Variants in DNM3 observed in about 807,000 individuals in gnomAD.
DNM3 encodes dynamin-3.
Under a neutral mutation model 101.6 loss-of-function variants are expected in DNM3, and 47 were observed. That is an observed-to-expected ratio of 0.46 (90% confidence interval 0.37 to 0.59). The LOEUF (loss-of-function observed/expected upper bound fraction) is 0.59, where lower values mean the gene tolerates loss of function less well. DNM3 is among the 20% of genes least tolerant of loss of function. DNM3 has a pLI of 0.00. For missense variants in DNM3, 849 were observed against 1,085.7 expected (o/e 0.78, Z 3.06); for synonymous variants, 385 against 387.9 (o/e 0.99, Z 0.09).
At chr1:172,175,179 C>T (rs984360071) in intron 14 of DNM3, among the ~76,000 whole-genome samples, 2 of 151,714 alleles carry the variant, frequency 1.3e-5, no homozygotes, top group Non-Finnish European at 2.9e-5. Context: ...ATGAGTATGA[C>T]TGGATCAGCA....
chr1:172,091,360 G>C (rs1363176509), intron 12 of DNM3, among the ~76,000 whole-genome samples: 2 of 152,174 alleles, frequency 1.3e-5, no homozygotes, highest in African/African-American at 4.8e-5. Context: ...AGAAATGCCA[G>C]ACAGAAAAAT....
chr1:172,195,902 T>C (rs1403257041), intron 14 of DNM3, among the ~76,000 whole-genome samples: 2 of 151,758 alleles, frequency 1.3e-5, no homozygotes, highest in East Asian at 3.9e-4. Flanking sequence ...TAACTATCTG[T>C]TTTCATTTAA....
At chr1:172,122,857 C>T (rs911796340) in intron 13 of DNM3, among the ~76,000 whole-genome samples, 3 of 152,074 alleles carry the variant, frequency 2.0e-5, no homozygotes, top group Non-Finnish European at 2.9e-5. Flanking sequence ...ATGGATTTGT[C>T]AGTTAAATAG....
chr1:172,342,780 G>A (rs886410416), intron 17 of DNM3, among the ~76,000 whole-genome samples: 2 of 152,188 alleles, frequency 1.3e-5, no homozygotes, highest in African/African-American at 4.8e-5. Context: ...ATCTATGACA[G>A]TCTTGTTCTT....
At chr1:172,111,681 C>G (rs377334433) in intron 13 of DNM3, among the ~76,000 whole-genome samples, 3 of 152,040 alleles carry the variant, frequency 2.0e-5, no homozygotes, top group Non-Finnish European at 2.9e-5. Flanking sequence ...AACACAGTGG[C>G]GAGTAATTCA....
chr1:172,280,624 C>T (rs1019701659), intron 15 of DNM3, among the ~76,000 whole-genome samples: 1 of 152,166 alleles, frequency 6.6e-6, no homozygotes, highest in African/African-American at 2.4e-5. Context: ...AATTACATGG[C>T]ACTTTGTACT....
chr1:172,332,786 G>T (rs2066246197), intron 17 of DNM3, among the ~76,000 whole-genome samples: 1 of 152,110 alleles, frequency 6.6e-6, no homozygotes, highest in Non-Finnish European at 1.5e-5. Flanking sequence ...AAGCCACATG[G>T]TTACACCTAA....
rs1204222574 is a variant in DNM3, at chr1:172,334,741, AGT to A, written c.1893+11402_1893+11403del. Among the ~76,000 whole-genome samples, 1,411 of 152,288 alleles carry A rather than the reference AGT, an allele frequency of 9.3e-3. 26 individuals are homozygous for A. Among genetic ancestry groups the A allele is most frequent in the African/African-American group, 0.032 (1,332 of 41,576 alleles). On this transcript the variant is annotated intron_variant, in intron 17 of 20. Coordinates refer to ENST00000627582, the MANE Select transcript of DNM3 (RefSeq NM_015569.5). ...TTTGATTTGCTGGTTTGCCTTAGGA[AGT>A]ATGATAATAACCAAACAGATTTTCA...
At chr1:172,239,713 T>G (rs2061671276) in intron 14 of DNM3, among the ~76,000 whole-genome samples, 1 of 151,930 alleles carries the variant, frequency 6.6e-6, no homozygotes, top group Non-Finnish European at 1.5e-5. Flanking sequence ...TTCTCTCTAA[T>G]GATACCTTCT....
At chr1:172,069,956 CAG>C (rs1437886418) in intron 11 of DNM3, among the ~76,000 whole-genome samples, 3 of 152,046 alleles carry the variant, frequency 2.0e-5, no homozygotes, top group Admixed American at 6.5e-5. Context: ...ACACAGCACA[CAG>C]AGTGTGCGTG....
chr1:171,963,182 C>T (rs1047314812), intron 2 of DNM3, among the ~76,000 whole-genome samples: 23 of 151,988 alleles, frequency 1.5e-4, no homozygotes, highest in African/African-American at 5.3e-4. Context: ...ATGGTATACC[C>T]GGACAATGGA....
At chr1:172,152,792 C>T (rs2058186695) in intron 14 of DNM3, among the ~76,000 whole-genome samples, 1 of 152,108 alleles carries the variant, frequency 6.6e-6, no homozygotes, top group South Asian at 2.1e-4. Flanking sequence ...TGTGTATGTG[C>T]ATGCGGACAG....
intron 15 of DNM3, among the ~76,000 whole-genome samples, chr1:172,265,517 C>T (rs2062826807): frequency 1.3e-5 from 2 of 152,136 alleles, no homozygotes; most frequent in Non-Finnish European, 1.5e-5. Context: ...TCTGGGGAGA[C>T]TAACATTGTG....
At chr1:172,005,684 T>C (rs1036522908) in intron 4 of DNM3, among the ~76,000 whole-genome samples, 2 of 152,082 alleles carry the variant, frequency 1.3e-5, no homozygotes, top group Non-Finnish European at 1.5e-5. Flanking sequence ...ATTACAATTA[T>C]TAAAAGAAAA....
At chr1:171,959,846 G>A (rs757327510) in intron 2 of DNM3, among the ~76,000 whole-genome samples, 8 of 151,816 alleles carry the variant, frequency 5.3e-5, no homozygotes, top group Non-Finnish European at 7.4e-5. Flanking sequence ...TGACCTTAGC[G>A]AACTCTGTTT....
At chr1:172,118,050 A>G (rs1203261652) in intron 13 of DNM3, among the ~76,000 whole-genome samples, 3 of 152,182 alleles carry the variant, frequency 2.0e-5, no homozygotes, top group Non-Finnish European at 4.4e-5. Flanking sequence ...ACCCACAGCT[A>G]TGTGCTTAAT....
At chr1:172,359,530 G>T (rs1229058592) in intron 17 of DNM3, among the ~76,000 whole-genome samples, 1 of 151,582 alleles carries the variant, frequency 6.6e-6, no homozygotes, top group African/African-American at 2.4e-5. Context: ...TTTGGAGTAG[G>T]GAGTAATAAC....
rs116817155 is a variant in DNM3, at chr1:172,013,748, G to A, written c.590-18654G>A. Among the ~76,000 whole-genome samples the A allele has an allele frequency of 6.4e-3, 968 of 152,130 alleles. 17 individuals are homozygous for A. The highest frequency in any genetic ancestry group is 0.022 in the African/African-American group (914 of 41,508). Reference sequence around the variant, plus strand: ...GAGCTGATGGGAATGGGATTATAAAGGTGAGGGGGGCATGTGAAGAAGTAA... The same window carrying A: ...GAGCTGATGGGAATGGGATTATAAAAGTGAGGGGGGCATGTGAAGAAGTAA... On this transcript the variant is annotated intron_variant, in intron 4 of 20. Transcript: ENST00000627582.
At chr1:172,390,588 C>T (rs1418005535) in intron 20 of DNM3, among the ~76,000 whole-genome samples, 2 of 152,202 alleles carry the variant, frequency 1.3e-5, no homozygotes, top group East Asian at 1.9e-4. Flanking sequence ...CCCAATGTCC[C>T]TTAGGGGAGT....
Sources: allele counts gnomAD v4.1 joint callset (sites outside exome capture counted in the v4.1 genomes callset), GRCh38; gene constraint gnomAD v4.1.1; transcripts MANE v1.5; gene names NCBI Gene and HGNC (gene_info 2026-07-23, HGNC 2026-07-21).